Variants in RNF19A observed in about 807,000 individuals in gnomAD.
The protein encoded by RNF19A is ring finger protein 19A, RBR E3 ubiquitin protein ligase.
Under a neutral mutation model 75.7 loss-of-function variants are expected in RNF19A, and 32 were observed. That is an observed-to-expected ratio of 0.42 (90% CI 0.32 to 0.57). The LOEUF is 0.57. Among genes scored for constraint, RNF19A ranks in the 20% least tolerant of loss-of-function variants. The probability of loss-of-function intolerance (pLI) is 0.10; values close to 1 mark genes in which losing one functional copy is unlikely to be tolerated. For missense variants in RNF19A, 782 were observed against 1,036.3 expected, an observed-to-expected ratio of 0.75 and a Z score of 3.37; for synonymous variants, 335 against 345.2, an observed-to-expected ratio of 0.97 and a Z score of 0.33.
At chr8:100,305,797 A>G (rs1328774546) in intron 1 of RNF19A, among the ~76,000 whole-genome samples, 1 of 152,226 alleles carries the variant, frequency 6.6e-6, no homozygotes, top group African/African-American at 2.4e-5. Flanking sequence ...CACATTTCAC[A>G]TAGTCTCATT....
chr8:100,300,667 T>C (rs1402086982), intron 1 of RNF19A: 1 of 151,198 alleles, frequency 6.6e-6, no homozygotes, highest in Non-Finnish European at 1.5e-5. Flanking sequence ...AAAAATGAAA[T>C]AGAAAAAAAT....
intron 1 of RNF19A, among the ~76,000 whole-genome samples, chr8:100,298,288 G>C (rs1821666983): frequency 6.6e-6 from 1 of 151,636 alleles, no homozygotes; most frequent in Non-Finnish European, 1.5e-5. Context: ...ACAGGCACTT[G>C]GAAGTTTGGA....
At chr8:100,306,864 AG>A (rs1376425505) in intron 1 of RNF19A, among the ~76,000 whole-genome samples, 1 of 152,226 alleles carries the variant, frequency 6.6e-6, no homozygotes, top group African/African-American at 2.4e-5. Flanking sequence ...TCCTAGTTGG[AG>A]AAAAAAAATT....
At position 100,260,484 on chromosome 8, in the gene RNF19A, G is replaced by C. The variant is rs1020668407; in HGVS notation, c.1683-487C>G. On this transcript the variant is annotated intron_variant, in intron 8 of 9. Coordinates refer to ENST00000341084, the MANE Select transcript of RNF19A (RefSeq NM_183419.4). The surrounding 1 kb of genome is among the most constrained non-coding windows in gnomAD (Gnocchi z 4.1). The stretch of plus-strand genomic sequence containing the variant: ...AGGGTCTCGTTATGTTGCCCAGGCT[G>C]GTCTCAAATTCCTGGCCTCAAGCTA... 6.6e-6 allele frequency among the ~76,000 whole-genome samples: 1 copy of C among 151,938 alleles called. No individual in the cohort carries two copies. Among genetic ancestry groups the C allele is most frequent in the Admixed American group, 6.6e-5 (1 of 15,254 alleles).
intron 1 of RNF19A, chr8:100,309,505 G>A (rs1459504228): frequency 5.1e-6 from 5 of 985,438 alleles, no homozygotes; most frequent in Non-Finnish European, 4.8e-6. Flanking sequence ...AGCTCGAGGG[G>A]AGCGCCGCCT....
Position 100,275,546 on chromosome 8 carries a change from G to A in RNF19A, c.675-385C>T, listed in dbSNP as rs1405488855. Among the ~76,000 whole-genome samples, 5 of 151,610 alleles carry A rather than the reference G, an allele frequency of 3.3e-5. No homozygotes were observed. The highest frequency in any genetic ancestry group is 6.6e-5 in the Admixed American group (1 of 15,230). The stretch of plus-strand genomic sequence containing the variant: ...CCTGACAGGCAGTTTTTCAACTCTC[G>A]CCCCTCTCCCTCAACTTTTAAGTAG... On this transcript the variant is annotated intron_variant, in intron 2 of 9. Coordinates refer to ENST00000341084, the MANE Select transcript of RNF19A (RefSeq NM_183419.4). The surrounding 1 kb of genome is among the most constrained non-coding windows in gnomAD (Gnocchi z 4.3).
rs1819751032 is a variant in RNF19A, at chr8:100,262,205, GT to G, written c.1469-451del. Reference sequence around the variant, plus strand: ...CCTCTCACACATTTTGTATTAAGGAGTCACTTATTTGCACCAATATTTGAGT... The same window carrying G: ...CCTCTCACACATTTTGTATTAAGGAGCACTTATTTGCACCAATATTTGAGT... On this transcript the variant is annotated intron_variant, in intron 7 of 9. Coordinates refer to ENST00000341084, the MANE Select transcript of RNF19A (RefSeq NM_183419.4). Among the ~76,000 whole-genome samples, 4 of 152,266 alleles carry G rather than the reference GT, an allele frequency of 2.6e-5. No homozygotes were observed. The South Asian group carries it at 6.2e-4, about 24-fold the overall frequency.
intron 2 of RNF19A, among the ~76,000 whole-genome samples, chr8:100,281,010 AG>A (rs1465677924): frequency 1.3e-5 from 2 of 152,226 alleles, no homozygotes; most frequent in East Asian, 3.8e-4. Flanking sequence ...GCTCAATAGA[AG>A]GTCATGGAAA....
At chr8:100,291,010 A>C (rs1327729061) in intron 1 of RNF19A, among the ~76,000 whole-genome samples, 2 of 152,228 alleles carry the variant, frequency 1.3e-5, no homozygotes, top group Non-Finnish European at 2.9e-5. Context: ...GGCACAGAGC[A>C]GGGTAGAGAA....
At chr8:100,276,569 T>A (rs767919807) in intron 2 of RNF19A, among the ~76,000 whole-genome samples, 1 of 151,732 alleles carries the variant, frequency 6.6e-6, no homozygotes, top group Admixed American at 6.6e-5. Flanking sequence ...CTGGTCAACA[T>A]GGCAAAACCC....
intron 2 of RNF19A, among the ~76,000 whole-genome samples, chr8:100,280,719 A>G (rs1820744067): frequency 2.6e-5 from 4 of 152,224 alleles, no homozygotes; most frequent in Admixed American, 2.6e-4. Flanking sequence ...TTTCACATTC[A>G]TATGTATTCA....
At chr8:100,293,405 C>CAGGACTTAAAAT (rs1821401997) in intron 1 of RNF19A, among the ~76,000 whole-genome samples, 1 of 152,204 alleles carries the variant, frequency 6.6e-6, no homozygotes, top group Non-Finnish European at 1.5e-5. Flanking sequence ...TTTATCCTTT[C>CAGGACTTAAAAT]AGGACTTAAA....
chr8:100,299,931 G>A (rs1821748918), intron 1 of RNF19A, among the ~76,000 whole-genome samples: 1 of 152,146 alleles, frequency 6.6e-6, no homozygotes, highest in Non-Finnish European at 1.5e-5. Flanking sequence ...TGAGTAAGGG[G>A]GAGGGAAGAC....
chr8:100,261,458 A>G lies in RNF19A; in HGVS notation c.1682+84T>C, dbSNP rs1250667069. ...TGACATAGTAGGGTTATATATAATC[A>G]TCATGCTTTATGTTCAAAATTCTCA... is the stretch of plus-strand genomic sequence containing the variant. On this transcript the variant is annotated intron_variant, in intron 8 of 9. Transcript: ENST00000341084. This position sits in a 1 kb window ranked among gnomAD's most constrained non-coding sequence, Gnocchi z 4.4. The G allele has an allele frequency of 4.2e-6, 5 of 1,188,262 alleles. No individual in the cohort carries two copies. The East Asian group carries it at 1.2e-4, about 28-fold the overall frequency. The allele number at this position is 1,188,262 out of a possible 1,614,324, so 73.6% of individuals were successfully genotyped here. A position where few individuals can be genotyped will look rare whatever the true frequency, so the allele number is the denominator to read the frequency against.
chr8:100,316,050 T>C (rs1822369322), intron 1 of RNF19A, among the ~76,000 whole-genome samples: 1 of 152,106 alleles, frequency 6.6e-6, no homozygotes, highest in Non-Finnish European at 1.5e-5. Flanking sequence ...CATCTGGAGT[T>C]TGTCCCTTCT....
At chr8:100,326,465 T>C (rs1822534820) in intron 1 of RNF19A, among the ~76,000 whole-genome samples, 4 of 152,276 alleles carry the variant, frequency 2.6e-5, no homozygotes, top group Middle Eastern at 3.4e-3. Flanking sequence ...TATACTGTGC[T>C]GGGCAGAGGG....
At chr8:100,308,392 A>T (rs910277887) in intron 1 of RNF19A, among the ~76,000 whole-genome samples, 2 of 152,174 alleles carry the variant, frequency 1.3e-5, no homozygotes, top group African/African-American at 4.8e-5. Context: ...TTTACCATGA[A>T]ACTGTAACAA....
chr8:100,292,438 GTGTGTGTGTGTGTGT>G (rs1821347006), intron 1 of RNF19A, among the ~76,000 whole-genome samples: 1 of 143,262 alleles, frequency 7.0e-6, no homozygotes, highest in Non-Finnish European at 1.6e-5. Context: ...TCATATGGGT[GTGTGTGTGTGTGTGT>G]GTGTGTGTGT....
intron 2 of RNF19A, among the ~76,000 whole-genome samples, chr8:100,283,222 T>TAGCCAACTGAAACATGGCCTC (rs1288499111): frequency 6.6e-6 from 1 of 152,216 alleles, no homozygotes; most frequent in African/African-American, 2.4e-5. Flanking sequence ...AGGGTGGCCT[T>TAGCCAACTGAAACATGGCCTC]AGCCAACTGA....
Sources: gnomAD v4.1 joint callset for allele counts (sites outside exome capture counted in the v4.1 genomes callset) on GRCh38, gnomAD v4.1.1 for gene constraint, Gnocchi (gnomAD v3.1) non-coding constraint, MANE v1.5 for transcripts, NCBI Gene and HGNC (gene_info 2026-07-23, HGNC 2026-07-21) for gene names.